CCDC102B: variants seen among roughly 807,000 people sequenced by gnomAD.
The protein encoded by CCDC102B is coiled-coil domain-containing protein 102B.
A neutral mutation model predicts 57.4 loss-of-function variants in CCDC102B; 75 were observed. That is an observed-to-expected ratio of 1.31 (90% CI 1.08 to 1.58). The LOEUF (loss-of-function observed/expected upper bound fraction) is 1.58, where lower values mean the gene tolerates loss of function less well. Among genes scored for constraint, CCDC102B ranks in the 40% most tolerant of loss-of-function variants. The pLI, the probability that CCDC102B is intolerant of heterozygous loss-of-function variation, is 0.00. For synonymous variants in CCDC102B, 206 were observed against 201.9 expected, an observed-to-expected ratio of 1.02 and a Z score of -0.17; for missense variants, 636 against 582.6, an observed-to-expected ratio of 1.09 and a Z score of -0.94.
chr18:68,978,795 G>A (rs996819435), intron 6 of CCDC102B, among the ~76,000 whole-genome samples: 1 of 151,940 alleles, frequency 6.6e-6, no homozygotes, highest in Admixed American at 6.6e-5. Flanking sequence ...AAAGATACCA[G>A]CATTTTCCAT....
intron 2 of CCDC102B, among the ~76,000 whole-genome samples, chr18:68,745,135 G>T (rs2033561434): frequency 6.6e-6 from 1 of 152,150 alleles, no homozygotes; most frequent in Admixed American, 6.6e-5. Context: ...GGAGGCAGTG[G>T]AAGTGATGGA....
At chr18:69,012,042 TC>T (rs1183049463) in intron 7 of CCDC102B, among the ~76,000 whole-genome samples, 1 of 152,180 alleles carries the variant, frequency 6.6e-6, no homozygotes, top group Non-Finnish European at 1.5e-5. Flanking sequence ...TCACACACTG[TC>T]CTCTGTGCTT....
intron 6 of CCDC102B, among the ~76,000 whole-genome samples, chr18:68,941,954 A>G (rs2145170191): frequency 1.3e-5 from 2 of 152,166 alleles, no homozygotes; most frequent in South Asian, 4.2e-4. Flanking sequence ...CCTTCAGGCA[A>G]GGTTAATGTG....
In CCDC102B at chr18:68,962,353, C is replaced by T. The variant is rs552616906; in HGVS notation, c.1264-48581C>T. Among the ~76,000 whole-genome samples, 90 of 152,138 alleles carry T rather than the reference C, an allele frequency of 5.9e-4. 1 individual carries two copies. The highest frequency in any genetic ancestry group is 2.1e-3 in the African/African-American group (87 of 41,540). ...TGCAACTATCCAAGAAGTGAATGCC[C>T]TTGGGTGACTCTGACGTGTCAATAC... On this transcript the variant is annotated intron_variant, in intron 6 of 7. Transcript: ENST00000360242.
intron 2 of CCDC102B, among the ~76,000 whole-genome samples, chr18:68,748,230 G>A (rs932296614): frequency 1.1e-4 from 17 of 151,128 alleles, no homozygotes; most frequent in East Asian, 5.8e-4. Flanking sequence ...GTGTGTGTGT[G>A]TGTGTGTGTG....
At chr18:68,905,337 ATAAT>A (rs1214946819) in intron 6 of CCDC102B, among the ~76,000 whole-genome samples, 3 of 123,252 alleles carry the variant, frequency 2.4e-5, no homozygotes, top group African/African-American at 9.2e-5. Context: ...AATGAGATAA[ATAAT>A]TATTTACCTT....
chr18:68,788,245 C>T (rs1001509055), intron 2 of CCDC102B, among the ~76,000 whole-genome samples: 7 of 152,032 alleles, frequency 4.6e-5, no homozygotes, highest in African/African-American at 1.7e-4. Context: ...AGCTTTACTT[C>T]CAAGTATGTG....
At chr18:68,750,817 G>A (rs1280303197) in intron 2 of CCDC102B, among the ~76,000 whole-genome samples, 1 of 115,602 alleles carries the variant, frequency 8.7e-6, no homozygotes, top group East Asian at 3.1e-4. Flanking sequence ...GGGGAGGGGG[G>A]AGGGATAGCA....
At chr18:68,992,282 T>C (rs1489236052) in intron 6 of CCDC102B, among the ~76,000 whole-genome samples, 1 of 152,106 alleles carries the variant, frequency 6.6e-6, no homozygotes, top group African/African-American at 2.4e-5. Flanking sequence ...AGGTGATAAG[T>C]GGTTATCAGC....
Position 69,021,337 on chromosome 18 carries a change from TGTA to T in CCDC102B, c.1434+10237_1434+10239del, listed in dbSNP as rs1253222715. ...AATTCACTTTTATCTATGAAAAAGA[TGTA>T]GTAAGTGTTTTAGGTAAGATTAAAA... On this transcript the variant is annotated intron_variant, in intron 7 of 7. Coordinates refer to ENST00000360242, the MANE Select transcript of CCDC102B (RefSeq NM_024781.3). Among the ~76,000 whole-genome samples, 4 of 152,318 alleles carry T rather than the reference TGTA, an allele frequency of 2.6e-5. No individual in the cohort carries two copies. The East Asian group carries it at 5.8e-4, about 22-fold the overall frequency.
chr18:68,941,390 T>G (rs1471740129), intron 6 of CCDC102B, among the ~76,000 whole-genome samples: 1 of 152,046 alleles, frequency 6.6e-6, no homozygotes, highest in African/African-American at 2.4e-5. Flanking sequence ...GAGGCAACAC[T>G]TTGAGTACAG....
At chr18:69,006,262 T>A (rs2051338075) in intron 6 of CCDC102B, among the ~76,000 whole-genome samples, 2 of 152,158 alleles carry the variant, frequency 1.3e-5, no homozygotes, top group Middle Eastern at 3.2e-3. Context: ...TAGTGTATGA[T>A]CCTATATACC....
intron 2 of CCDC102B, among the ~76,000 whole-genome samples, chr18:68,736,095 A>G (rs1259822333): frequency 6.6e-6 from 1 of 152,262 alleles, no homozygotes; most frequent in African/African-American, 2.4e-5. Flanking sequence ...TTGTCACTGT[A>G]TAATGGATTA....
At chr18:68,936,207 T>TAA (rs60766380) in intron 6 of CCDC102B, among the ~76,000 whole-genome samples, 66 of 147,696 alleles carry the variant, frequency 4.5e-4, no homozygotes, top group African/African-American at 1.6e-3. Flanking sequence ...TATGCCAAAA[T>TAA]AAAAAAAAAA....
At chr18:69,016,704 A>G (rs569006905) in intron 7 of CCDC102B, among the ~76,000 whole-genome samples, 1 of 152,258 alleles carries the variant, frequency 6.6e-6, no homozygotes. Context: ...TGTAATATGT[A>G]TTTCCTTGGG....
At chr18:69,044,353 A>T (rs2052506930) in intron 7 of CCDC102B, among the ~76,000 whole-genome samples, 1 of 152,196 alleles carries the variant, frequency 6.6e-6, no homozygotes, top group Non-Finnish European at 1.5e-5. Flanking sequence ...CATTGTGCAG[A>T]TTAAATGAAA....
intron 6 of CCDC102B, among the ~76,000 whole-genome samples, chr18:68,973,235 T>C (rs1019523648): frequency 6.6e-6 from 1 of 152,128 alleles, no homozygotes; most frequent in African/African-American, 2.4e-5. Context: ...TTTCATATAA[T>C]GGCAATTGAA....
chr18:68,832,872 C>T (rs1000039160), intron 1 of CCDC102B, among the ~76,000 whole-genome samples: 13 of 151,708 alleles, frequency 8.6e-5, no homozygotes, highest in Non-Finnish European at 4.4e-5. Context: ...TCCAGGTAGC[C>T]GACACAGGGG....
intron 6 of CCDC102B, among the ~76,000 whole-genome samples, chr18:68,995,691 G>C (rs945526045): frequency 2.0e-5 from 3 of 152,130 alleles, no homozygotes; most frequent in Non-Finnish European, 4.4e-5. Context: ...CAGAGATGAA[G>C]TCCTCATGTA....
Sources: gnomAD v4.1 joint callset for allele counts (sites outside exome capture counted in the v4.1 genomes callset) on GRCh38, gnomAD v4.1.1 for gene constraint, MANE v1.5 for transcripts, NCBI Gene and HGNC (gene_info 2026-07-23, HGNC 2026-07-21) for gene names.